TEX9: variants seen among roughly 807,000 people sequenced by gnomAD.
TEX9 encodes the protein testis expressed 9, also known as testis-expressed protein 9.
Under a neutral mutation model 59.6 loss-of-function variants are expected in TEX9, and 74 were observed. That is an observed-to-expected ratio of 1.24 (90% CI 1.03 to 1.51). The LOEUF is 1.51. Among genes scored for constraint, TEX9 ranks in the 40% most tolerant of loss-of-function variants. TEX9 has a pLI of 0.00. For missense variants in TEX9, 522 were observed against 447.8 expected (o/e 1.17, Z -1.49); for synonymous variants, 186 against 152.2 (o/e 1.22, Z -1.64).
At chr15:56,254,095 A>G (rs1193526671) in intron 1 of TEX9, among the ~76,000 whole-genome samples, 7 of 152,122 alleles carry the variant, frequency 4.6e-5, no homozygotes, top group African/African-American at 1.7e-4. Context: ...CAGGAAAGTT[A>G]CCTCTACCAA....
At chr15:56,306,257 C>CAAAAAAAA (rs55882329) in intron 1 of TEX9, among the ~76,000 whole-genome samples, 24 of 79,416 alleles carry the variant, frequency 3.0e-4, no homozygotes, top group African/African-American at 8.6e-4. Flanking sequence ...AGGTACATAG[C>CAAAAAAAA]AAAAAAAAAA....
At chr15:56,408,049 A>C (rs1483983208) in intron 9 of TEX9, among the ~76,000 whole-genome samples, 1 of 152,216 alleles carries the variant, frequency 6.6e-6, no homozygotes, top group Admixed American at 6.5e-5. Context: ...CATTTCATAG[A>C]ATCATTCATA....
intron 10 of TEX9, among the ~76,000 whole-genome samples, chr15:56,426,626 T>TATATAC (rs1214988827): frequency 1.6e-3 from 75 of 47,156 alleles, no homozygotes; most frequent in African/African-American, 3.3e-3. Context: ...TATATATATA[T>TATATAC]ACACACACAC....
intron 1 of TEX9, among the ~76,000 whole-genome samples, chr15:56,290,146 G>T (rs185214674): frequency 6.6e-6 from 1 of 152,164 alleles, no homozygotes; most frequent in Admixed American, 6.5e-5. Context: ...AGCACAACTG[G>T]GTTCGGGAGA....
chr15:56,283,696 A>G (rs1567072817), intron 1 of TEX9, among the ~76,000 whole-genome samples: 1 of 152,174 alleles, frequency 6.6e-6, no homozygotes, highest in Non-Finnish European at 1.5e-5. Context: ...AAGACAGCCA[A>G]AAAGTAATGA....
At chr15:56,341,187 G>C (rs2046365612) in intron 1 of TEX9, among the ~76,000 whole-genome samples, 2 of 151,942 alleles carry the variant, frequency 1.3e-5, no homozygotes, top group South Asian at 4.1e-4. Flanking sequence ...GAATTGATGA[G>C]CAATCACATT....
chr15:56,262,809 G>A lies in TEX9; in HGVS notation c.-107+18531G>A, dbSNP rs1239681996. ...ACTATGGACATAAAAATTTAGGATT[G>A]TTGTGTTTTCCTGTTGAATTGATCC... On this transcript the variant is annotated intron_variant, in intron 1 of 5. Coordinates refer to the TEX9 transcript ENST00000560827. Among the ~76,000 whole-genome samples the A allele has an allele frequency of 2.0e-5, 3 of 152,122 alleles. 1 individual carries two copies. Among genetic ancestry groups the A allele is most frequent in the Admixed American group, 1.3e-4 (2 of 15,286 alleles).
At chr15:56,351,133 T>C (rs1208498714) in intron 1 of TEX9, among the ~76,000 whole-genome samples, 1 of 152,170 alleles carries the variant, frequency 6.6e-6, no homozygotes, top group Non-Finnish European at 1.5e-5. Context: ...AATTCAAGAG[T>C]GAGTCTTACC....
intron 1 of TEX9, among the ~76,000 whole-genome samples, chr15:56,309,468 C>T (rs1177051970): frequency 3.3e-5 from 5 of 152,002 alleles, no homozygotes; most frequent in African/African-American, 7.3e-5. Flanking sequence ...GCTAGTATTT[C>T]GTTGATGGTT....
At chr15:56,413,611 C>T (rs1030004775) in intron 10 of TEX9, among the ~76,000 whole-genome samples, 3 of 151,570 alleles carry the variant, frequency 2.0e-5, no homozygotes, top group African/African-American at 7.3e-5. Context: ...ATAAATTTGA[C>T]TGCTCTAGGA....
At chr15:56,277,020 T>G (rs1245517481) in intron 1 of TEX9, among the ~76,000 whole-genome samples, 3 of 152,174 alleles carry the variant, frequency 2.0e-5, no homozygotes, top group Admixed American at 6.5e-5. Flanking sequence ...TTGTTTGTTT[T>G]TTTTTTCTTG....
chr15:56,277,838 C>T (rs1249224200), intron 1 of TEX9, among the ~76,000 whole-genome samples: 2 of 152,210 alleles, frequency 1.3e-5, no homozygotes, highest in African/African-American at 4.8e-5. Flanking sequence ...CTGTATTCCT[C>T]CAAATAACCT....
At chr15:56,431,808 G>C (rs1362393558) in intron 12 of TEX9, among the ~76,000 whole-genome samples, 1 of 151,824 alleles carries the variant, frequency 6.6e-6, no homozygotes, top group Non-Finnish European at 1.5e-5. Context: ...AATATTTACT[G>C]AATGCTTACC....
intron 12 of TEX9, chr15:56,445,529 GATAAT>G (rs1355771171): frequency 6.6e-6 from 1 of 151,948 alleles, no homozygotes; most frequent in Non-Finnish European, 1.5e-5. Flanking sequence ...CATATACTCT[GATAAT>G]ATGACTTGAC....
chr15:56,250,095 A>T (rs1030660286), intron 1 of TEX9, among the ~76,000 whole-genome samples: 4 of 152,218 alleles, frequency 2.6e-5, no homozygotes, highest in African/African-American at 9.6e-5. Context: ...ACTCCAGCAG[A>T]ATTAAGGCTG....
At chr15:56,451,698 A>G in the TEX9 span, among the ~76,000 whole-genome samples, 11 of 149,332 alleles carry the variant, frequency 7.4e-5, no homozygotes, top group African/African-American at 2.7e-4. Flanking sequence ...AGAAAACCAT[A>G]TGCATTCACA....
At chr15:56,429,273 A>T in intron 12 of TEX9, 1 of 874,670 alleles carries the variant, frequency 1.1e-6, no homozygotes, top group Non-Finnish European at 1.8e-6. Context: ...CAGACATAAG[A>T]TTAGTAAAGT....
intron 1 of TEX9, among the ~76,000 whole-genome samples, chr15:56,334,537 A>T (rs2046221984): frequency 6.6e-6 from 1 of 152,182 alleles, no homozygotes; most frequent in African/African-American, 2.4e-5. Context: ...TAAGACTCAA[A>T]ACTGTGAAAC....
intron 1 of TEX9, among the ~76,000 whole-genome samples, chr15:56,352,795 C>T (rs2046609960): frequency 6.6e-6 from 1 of 152,078 alleles, no homozygotes; most frequent in Non-Finnish European, 1.5e-5. Context: ...TTTTATGCAG[C>T]AAATTTTAGT....
Sources: gnomAD v4.1 joint callset for allele counts (sites outside exome capture counted in the v4.1 genomes callset) on GRCh38, gnomAD v4.1.1 for gene constraint, MANE v1.5 for transcripts, NCBI Gene and HGNC (gene_info 2026-07-23, HGNC 2026-07-21) for gene names.